The following POMK variants were observed in gnomAD, a reference collection of about 807,000 sequenced individuals.
POMK encodes Sugen kinase 196.
POMK carries 19 observed loss-of-function variants against 23.0 expected under a neutral mutation model. The ratio of observed to expected loss-of-function variants is 0.83; its 90% confidence interval spans 0.58 to 1.21. The LOEUF (loss-of-function observed/expected upper bound fraction) is 1.21. Ranked by LOEUF, POMK falls within the 50% of genes most tolerant of loss-of-function variation. The probability of loss-of-function intolerance (pLI) is 0.00; values close to 1 mark genes in which losing one functional copy is unlikely to be tolerated. For missense variants in POMK, 410 were observed against 431.3 expected (o/e 0.95, Z 0.44); for synonymous variants, 173 against 171.6 (o/e 1.01, Z -0.06).
intron 1 of POMK, among the ~76,000 whole-genome samples, chr8:43,093,795 C>G (rs1437505786): frequency 6.6e-6 from 1 of 152,216 alleles, no homozygotes. Flanking sequence ...GTTAAAGAAC[C>G]AGAGAAGGGC....
At chr8:43,103,019 T>G (rs1255894489) in intron 3 of POMK, among the ~76,000 whole-genome samples, 1 of 152,196 alleles carries the variant, frequency 6.6e-6, no homozygotes, top group African/African-American at 2.4e-5. Context: ...TCATAACTGC[T>G]GAAGAGTAGC....
intron 4 of POMK, among the ~76,000 whole-genome samples, chr8:43,113,772 G>A (rs1811732773): frequency 6.6e-6 from 1 of 152,184 alleles, no homozygotes; most frequent in Non-Finnish European, 1.5e-5. Context: ...TGATGGTGAT[G>A]TACAGATGGG....
At chr8:43,097,937 G>A (rs953070405) in intron 2 of POMK, among the ~76,000 whole-genome samples, 19 of 152,194 alleles carry the variant, frequency 1.2e-4, no homozygotes, top group Non-Finnish European at 2.8e-4. Flanking sequence ...TGCAGACTTA[G>A]AAAGCAGCAG....
intron 4 of POMK, among the ~76,000 whole-genome samples, chr8:43,116,979 G>T (rs550537112): frequency 6.6e-6 from 1 of 152,014 alleles, no homozygotes; most frequent in Non-Finnish European, 1.5e-5. Flanking sequence ...AGGGGGGTTT[G>T]TTCTGTGGTG....
intron 4 of POMK, among the ~76,000 whole-genome samples, chr8:43,121,459 T>G (rs527264367): frequency 4.6e-5 from 7 of 152,370 alleles, no homozygotes; most frequent in African/African-American, 1.7e-4. Context: ...CTCCTGCCTT[T>G]ACAGCTGAAG....
At chr8:43,105,433 G>A (rs1266576305) in intron 4 of POMK, among the ~76,000 whole-genome samples, 1 of 152,164 alleles carries the variant, frequency 6.6e-6, no homozygotes, top group African/African-American at 2.4e-5. Context: ...AACTTGTAGT[G>A]TTTAACTTTC....
chr8:43,119,114 C>A (rs530956360), intron 4 of POMK, among the ~76,000 whole-genome samples: 1 of 152,072 alleles, frequency 6.6e-6, no homozygotes, highest in African/African-American at 2.4e-5. Flanking sequence ...GCCGGCCCCC[C>A]ACTTATTGTT....
chr8:43,121,938 AT>A (rs1030976511), intron 4 of POMK, among the ~76,000 whole-genome samples, 168 bp from the exon 5 acceptor site: 2 of 152,356 alleles, frequency 1.3e-5, no homozygotes, highest in South Asian at 2.1e-4. Context: ...GTGTTTGCTC[AT>A]CGGTCTCTCT....
At chr8:43,098,501 G>T (rs1306889445) in intron 2 of POMK, among the ~76,000 whole-genome samples, 1 of 152,102 alleles carries the variant, frequency 6.6e-6, no homozygotes, top group Non-Finnish European at 1.5e-5. Flanking sequence ...ACCACATTTT[G>T]TCTATCCATT....
chr8:43,120,779 GTGAT>G (rs1811901618), intron 4 of POMK, among the ~76,000 whole-genome samples: 1 of 151,646 alleles, frequency 6.6e-6, no homozygotes, highest in African/African-American at 2.4e-5. Flanking sequence ...CCGGGTTCAA[GTGAT>G]TCTCCTGCCT....
intron 4 of POMK, among the ~76,000 whole-genome samples, chr8:43,114,875 G>A (rs1261375192): frequency 6.6e-6 from 1 of 152,220 alleles, no homozygotes; most frequent in Non-Finnish European, 1.5e-5. Flanking sequence ...AGTCTGGAAT[G>A]TAGATTTGGG....
intron 4 of POMK, among the ~76,000 whole-genome samples, chr8:43,107,497 C>CT (rs1485416314): frequency 6.6e-6 from 1 of 151,598 alleles, no homozygotes. Flanking sequence ...GCCTCAGCCT[C>CT]CTGAGTAGCT....
intron 4 of POMK, among the ~76,000 whole-genome samples, chr8:43,112,036 C>T (rs1357240993): frequency 2.6e-5 from 4 of 152,206 alleles, no homozygotes; most frequent in Non-Finnish European, 4.4e-5. Flanking sequence ...GAACGCAGCT[C>T]CTCACCAGCA....
chr8:43,096,017 A>T (rs1357019188), intron 1 of POMK, among the ~76,000 whole-genome samples: 1 of 152,214 alleles, frequency 6.6e-6, no homozygotes, highest in Non-Finnish European at 1.5e-5. Flanking sequence ...GAGGGAAAGC[A>T]GCCTGTGCGG....
In POMK at chr8:43,122,768, G is replaced by A. The variant is rs1811949844; in HGVS notation, c.944G>A (p.Ser315Asn). The change falls in exon 5 of 5, where the codon AGC (serine) becomes AAC (asparagine). Residue 315 changes from serine to asparagine, a missense_variant. Ser to Asn is a conservative substitution (Grantham distance 46). Transcript: ENST00000331373. ...HLFDIHKACK[S>N]QTPSERPTAQ... ...TTTGATATTCACAAAGCATGCAAGA[G>A]CCAGACTCCCTCAGAAAGACCCACT... is the stretch of plus-strand genomic sequence containing the variant. The A allele has an allele frequency of 6.2e-7, 1 of 1,614,166 alleles. No homozygotes were observed.
rs533892538 is a variant in POMK at position 43,103,467 on chromosome 8, T to G, written c.-21-61T>G. 6.6e-6 allele frequency: 10 copies of G among 1,519,214 alleles called. No individual in the cohort carries two copies. The Admixed American group carries it at 1.8e-4, about 27-fold the overall frequency. The allele number at this position is 1,519,214 out of a possible 1,614,324, so 94.1% of individuals were successfully genotyped here. A position where few individuals can be genotyped will look rare whatever the true frequency, so the allele number is the denominator to read the frequency against. ...GTAGAAGAGGCATCAGAACACATTT[T>G]TGGAAATGAAAGGAAGTGAAAGCTG... On this transcript the variant is annotated intron_variant, in intron 3 of 4. Transcript: ENST00000331373.
rs772847115 is a variant in POMK at position 43,103,845 on chromosome 8, A to T, written c.282+15A>T. 3 of 1,612,650 alleles carry T rather than the reference A, an allele frequency of 1.9e-6. No individual in the cohort carries two copies. The Admixed American group carries it at 5.0e-5, about 27-fold the overall frequency. ...CTGTAAAGAGAGTGAGTCCGGGTTC[A>T]TTTGCGATTGCTGTCATCCTGTTAT... On this transcript the variant is annotated intron_variant, in intron 4 of 4. Coordinates refer to ENST00000331373, the MANE Select transcript of POMK (RefSeq NM_032237.5).
chr8:43,119,467 T>TCTCA lies in POMK; in HGVS notation c.283-2637_283-2636insACTC, dbSNP rs562033143. Among the ~76,000 whole-genome samples the TCTCA allele has an allele frequency of 2.4e-3, 322 of 133,066 alleles. 2 individuals carry two copies. The highest frequency in any genetic ancestry group is 0.011 in the South Asian group (46 of 4,232). The allele number at this position is 133,066 out of a possible 152,430, so 87.3% of individuals were successfully genotyped here. A position where few individuals can be genotyped will look rare whatever the true frequency, so the allele number is the denominator to read the frequency against. On this transcript the variant is annotated intron_variant, in intron 4 of 4. Coordinates refer to ENST00000331373, the MANE Select transcript of POMK (RefSeq NM_032237.5). ...TTTTTTTTTTTTTTTTGAGACGAAG[T>TCTCA]CTCTAACCAGGCTGGTGTGCAGTGG... is the stretch of plus-strand genomic sequence containing the variant.
intron 1 of POMK, among the ~76,000 whole-genome samples, chr8:43,097,070 A>G (rs1811349579): frequency 1.3e-5 from 2 of 152,254 alleles, no homozygotes; most frequent in South Asian, 2.1e-4. Flanking sequence ...GTGAGACTCC[A>G]TGTCTTAAGT....
Sources: allele counts gnomAD v4.1 joint callset (sites outside exome capture counted in the v4.1 genomes callset), GRCh38; gene constraint gnomAD v4.1.1; transcripts MANE v1.5; gene names NCBI Gene and HGNC (gene_info 2026-07-23, HGNC 2026-07-21).